The following OR4F5 variants were observed in gnomAD, a reference collection of about 807,000 sequenced individuals.
OR4F5 encodes the protein olfactory receptor 4F5.
Under a neutral mutation model 5.8 loss-of-function variants are expected in OR4F5, and 1 was observed. The ratio of observed to expected loss-of-function variants is 0.17; its 90% CI spans 0.06 to 0.82. OR4F5 has a LOEUF of 0.82. Among genes scored for constraint, OR4F5 ranks in the 40% least tolerant of loss-of-function variants. The probability of loss-of-function intolerance (pLI) is 0.72; values close to 1 mark genes in which losing one functional copy is unlikely to be tolerated. For missense variants in OR4F5, 47 were observed against 175.5 expected (o/e 0.27, Z 4.14); for synonymous variants, 18 against 63.7 (o/e 0.28, Z 3.42).
intron 2 of OR4F5, among the ~76,000 whole-genome samples, chr1:66,298 A>T (rs1231797472): frequency 1.1e-4 from 3 of 28,386 alleles, no homozygotes; most frequent in African/African-American, 2.8e-4. Context: ...AATATATAAT[A>T]TAAATATAAT....
chr1:66,845 T>C (rs1639953717), intron 2 of OR4F5, among the ~76,000 whole-genome samples: 1 of 107,528 alleles, frequency 9.3e-6, no homozygotes, highest in African/African-American at 2.8e-5. Context: ...GAAAGAATTA[T>C]GGTGGTGAAG....
chr1:65,905 C>T (rs1351057169), intron 2 of OR4F5, among the ~76,000 whole-genome samples: 1 of 107,226 alleles, frequency 9.3e-6, no homozygotes, highest in African/African-American at 2.9e-5. Context: ...TGTTTTCTTA[C>T]CCACCTCCTT....
chr1:66,283 TATATAATATATAATATAA>T (rs1557435350), intron 2 of OR4F5, among the ~76,000 whole-genome samples: 2 of 18,836 alleles, frequency 1.1e-4, no homozygotes, highest in African/African-American at 4.1e-4. Flanking sequence ...TAAATTATAT[TATATAATATATAATATAA>T]ATATAATATA....
chr1:66,443 A>C (rs1639945080), intron 2 of OR4F5, among the ~76,000 whole-genome samples: 1 of 11,024 alleles, frequency 9.1e-5, no homozygotes, highest in Non-Finnish European at 3.8e-4. Context: ...ATATTATATT[A>C]TATAATATAT....
intron 2 of OR4F5, among the ~76,000 whole-genome samples, chr1:67,264 A>G (rs1269289911): frequency 8.7e-6 from 1 of 115,586 alleles, no homozygotes; most frequent in African/African-American, 2.6e-5. Context: ...TTCATGATTT[A>G]TTCCACTATT....
chr1:66,377 AAATTATATAATAT>A (rs1639942526), intron 2 of OR4F5, among the ~76,000 whole-genome samples: 1 of 8,008 alleles, frequency 1.2e-4, no homozygotes, highest in Non-Finnish European at 4.1e-4. Context: ...TATAATATAT[AAATTATATAATAT>A]AATATATATT....
rs1391476558 is a variant in OR4F5, at chr1:66,449, T to TATA, written c.9+877_9+879dup. On this transcript the variant is annotated intron_variant, in intron 2 of 2. Transcript: ENST00000641515. ...TATAAATATATATTATATTATATAA[T>TATA]ATATATTTTATTATATAATATATAT... is the stretch of plus-strand genomic sequence containing the variant. 7.0e-5 allele frequency among the ~76,000 whole-genome samples: 4 copies of TATA among 57,198 alleles called. 1 individual carries two copies. Among genetic ancestry groups the TATA allele is most frequent in the Non-Finnish European group, 6.9e-5 (2 of 28,968 alleles). 37.5% of individuals were successfully genotyped at this position (57,198 alleles called of 152,430 possible).
rs1371678618 is a variant in OR4F5 at position 69,458 on chromosome 1, T to C, written c.431T>C (p.Leu144Pro). 2 of 1,032,122 alleles carry C rather than the reference T, an allele frequency of 1.9e-6. No homozygotes were observed. Among genetic ancestry groups the C allele is most frequent in the South Asian group, 1.5e-5 (1 of 66,964 alleles). 63.9% of individuals were successfully genotyped at this position (1,032,122 alleles called of 1,614,324 possible). ...FDRYIAICKPLHYTTIMCGNA... is the reference protein window; with the variant it reads ...FDRYIAICKPPHYTTIMCGNA... ...AGATATATAGCAATATGCAAGCCCC[T>C]ACACTACACTACAATTATGTGTGGC... is the stretch of plus-strand genomic sequence containing the variant. The change falls in exon 3 of 3, where the codon CTA (leucine) becomes CCA (proline). Residue 144 changes from leucine to proline, a missense_variant. Transcript: ENST00000641515.
chr1:66,502 T>A (rs1458075616), intron 2 of OR4F5, among the ~76,000 whole-genome samples: 1 of 78,888 alleles, frequency 1.3e-5, no homozygotes, highest in Non-Finnish European at 2.7e-5. Flanking sequence ...TAATATATAT[T>A]TTATTATATA....
chr1:67,815 CT>C (rs1205787370), intron 2 of OR4F5, among the ~76,000 whole-genome samples: 3 of 46,214 alleles, frequency 6.5e-5, no homozygotes, highest in African/African-American at 1.4e-4. Flanking sequence ...TATCCTTTAC[CT>C]TTTTCTGTAT....
At position 69,536 on chromosome 1, in the gene OR4F5, C is replaced by T. The variant is rs200013390; in HGVS notation, c.509C>T (p.Ser170Leu). Residue 170 changes from serine to leucine, a missense_variant, in exon 3 of 3, where the codon TCG becomes TTG. Around this residue, in one of 3 missense-constraint regions of OR4F5, gnomAD observed 40 missense variants for 68.3 expected, o/e 0.59. Coordinates refer to ENST00000641515, the MANE Select transcript of OR4F5 (RefSeq NM_001005484.2). ...AVTWGIGFLH[S>L]VSQLAFAVHL... ...ACATGGGGAATTGGCTTTCTCCATT[C>T]GGTGAGCCAGTTGGCGTTTGCCGTG... 6.5e-5 allele frequency: 66 copies of T among 1,014,672 alleles called. 24 individuals carry two copies. Among genetic ancestry groups the T allele is most frequent in the Non-Finnish European group, 8.5e-5 (62 of 725,780 alleles). 62.9% of individuals were successfully genotyped at this position (1,014,672 alleles called of 1,614,324 possible). A position where few individuals can be genotyped will look rare whatever the true frequency, so the allele number is the denominator to read the frequency against.
intron 2 of OR4F5, among the ~76,000 whole-genome samples, chr1:66,287 TAATATATAATATA>T (rs1351310796): frequency 2.3e-5 from 1 of 43,510 alleles, no homozygotes; most frequent in African/African-American, 8.4e-5. Flanking sequence ...TTATATTATA[TAATATATAATATA>T]AATATAATAT....
At chr1:66,264 A>AATATAATATAAATTATATTATATAAT (rs1639937471) in intron 2 of OR4F5, among the ~76,000 whole-genome samples, 3 of 11,092 alleles carry the variant, frequency 2.7e-4, no homozygotes, top group Non-Finnish European at 4.2e-4. Flanking sequence ...ATATAATATA[A>AATATAATATAAATTATATTATATAAT]ATATAATATA....
At chr1:66,374 TATAAATTATATAATATAATA>T (rs1169235683) in intron 2 of OR4F5, among the ~76,000 whole-genome samples, 2,220 of 12,550 alleles carry the variant, frequency 0.18, 160 homozygotes, top group Non-Finnish European at 0.32. Flanking sequence ...AAATATAATA[TATAAATTATATAATATAATA>T]TATATTATAT....
chr1:66,317 T>C (rs1378796914), intron 2 of OR4F5, among the ~76,000 whole-genome samples: 1 of 40,712 alleles, frequency 2.5e-5, no homozygotes, highest in Admixed American at 4.5e-4. Context: ...ATATAAATTA[T>C]ATAAATATAA....
At chr1:66,271 T>C (rs1216573428) in intron 2 of OR4F5, among the ~76,000 whole-genome samples, 1 of 30,076 alleles carries the variant, frequency 3.3e-5, no homozygotes, top group African/African-American at 1.4e-4. Flanking sequence ...ATAAATATAA[T>C]ATAAATTATA....
chr1:66,378 AATTATATAATATAATATAT>A (rs1639942699), intron 2 of OR4F5, among the ~76,000 whole-genome samples: 8 of 6,372 alleles, frequency 1.3e-3, no homozygotes, highest in South Asian at 2.5e-3. Context: ...ATAATATATA[AATTATATAATATAATATAT>A]ATTATATAAT....
Position 70,408 on chromosome 1 carries a change from C to G in OR4F5, c.*400C>G, listed in dbSNP as rs1639988557. ...AAACATAAAAAAAGAACTGTCACAT[C>G]TTAATTTAAAAAATATATGCTTAGT... On this transcript the variant is annotated 3_prime_UTR_variant, in exon 3 of 3. Coordinates refer to ENST00000641515, the MANE Select transcript of OR4F5 (RefSeq NM_001005484.2). The G allele has an allele frequency of 9.8e-6, 1 of 102,528 alleles. No homozygotes were observed. Among genetic ancestry groups the G allele is most frequent in the Non-Finnish European group, 2.4e-5 (1 of 41,802 alleles). 6.4% of individuals were successfully genotyped at this position (102,528 alleles called of 1,614,324 possible).
At chr1:66,548 A>C (rs1266185244) in intron 2 of OR4F5, among the ~76,000 whole-genome samples, 15 of 83,546 alleles carry the variant, frequency 1.8e-4, no homozygotes, top group African/African-American at 4.8e-4. Flanking sequence ...ATTTATATAT[A>C]ACATATATTA....
Sources: gnomAD v4.1 joint callset for allele counts (sites outside exome capture counted in the v4.1 genomes callset) on GRCh38, gnomAD v4.1.1 for gene constraint, gnomAD v4.1.1 regional missense constraint, MANE v1.5 for transcripts, NCBI Gene and HGNC (gene_info 2026-07-23, HGNC 2026-07-21) for gene names.